Variants in XYLT1 observed in about 807,000 individuals in gnomAD.
XYLT1 encodes the protein xylosyltransferase 1.
XYLT1 carries 36 observed loss-of-function variants against 91.3 expected under a neutral mutation model. The observed-to-expected ratio is 0.39, with a 90% CI of 0.30 to 0.52. The LOEUF (loss-of-function observed/expected upper bound fraction) is 0.52, where lower values mean the gene tolerates loss of function less well. XYLT1 is among the 20% of genes least tolerant of loss of function. The pLI is 0.68. For missense variants in XYLT1, 1,242 were observed against 1,284.5 expected, an observed-to-expected ratio of 0.97 and a Z score of 0.51; for synonymous variants, 588 against 532.0, an observed-to-expected ratio of 1.11 and a Z score of -1.45.
intron 1 of XYLT1, among the ~76,000 whole-genome samples, chr16:17,376,892 C>T (rs1369324668): frequency 6.7e-6 from 1 of 149,922 alleles, no homozygotes; most frequent in Non-Finnish European, 1.5e-5. Context: ...ATGCACCCAA[C>T]CAGGCCAGGT....
intron 2 of XYLT1, among the ~76,000 whole-genome samples, chr16:17,293,491 CTTTTTTTTT>C (rs548581536): frequency 4.2e-5 from 5 of 119,114 alleles, no homozygotes; most frequent in Non-Finnish European, 7.3e-5. Context: ...TTTCTCCCTC[CTTTTTTTTT>C]TTTTTTTTTT....
chr16:17,437,330 T>A (rs879458920), intron 1 of XYLT1, among the ~76,000 whole-genome samples: 1 of 152,142 alleles, frequency 6.6e-6, no homozygotes, highest in Admixed American at 6.6e-5. Flanking sequence ...TACCATTCCC[T>A]TGGGCTAAAC....
chr16:17,369,636 C>T (rs1413321117), intron 1 of XYLT1: 1 of 152,396 alleles, frequency 6.6e-6, no homozygotes, highest in African/African-American at 2.4e-5. Context: ...CGTGACTTCA[C>T]AGCAGAAACA....
rs116681300 is a variant in XYLT1 at position 17,424,583 on chromosome 16, G to A, written c.363+45851C>T. 5.0e-3 allele frequency among the ~76,000 whole-genome samples: 760 copies of A among 152,206 alleles called. 3 individuals carry two copies. The highest frequency in any genetic ancestry group is 0.017 in the African/African-American group (713 of 41,526). On this transcript the variant is annotated intron_variant, in intron 1 of 11. Coordinates refer to ENST00000261381, the MANE Select transcript of XYLT1 (RefSeq NM_022166.4). ...GAAACACCAAGAAAATAAGATAGGT[G>A]GACACAGCCGGGTGCGGTGGCTCAT... is the stretch of plus-strand genomic sequence containing the variant.
rs543874250 is a variant in XYLT1 at position 17,307,665 on chromosome 16, A to G, written c.403-48167T>C. ...GGCTTCTCTGCACAGTGAGCTGGAAAATCTTTCCAATGACTCTGGCCCATT... is the reference window on the plus strand; with the variant it reads ...GGCTTCTCTGCACAGTGAGCTGGAAGATCTTTCCAATGACTCTGGCCCATT... On this transcript the variant is annotated intron_variant, in intron 2 of 11. Coordinates refer to ENST00000261381, the MANE Select transcript of XYLT1 (RefSeq NM_022166.4). Among the ~76,000 whole-genome samples the G allele has an allele frequency of 2.0e-5, 3 of 152,296 alleles. No individual in the cohort carries two copies. The South Asian group carries it at 6.2e-4, about 32-fold the overall frequency.
chr16:17,104,543 C>A lies in XYLT1; in HGVS notation c.*4152G>T, dbSNP rs1966748965. On this transcript the variant is annotated 3_prime_UTR_variant, in exon 12 of 12. Transcript: ENST00000261381. Reference sequence around the variant, plus strand: ...TGGCTTTTTTCCTCTTCTACCAGGGCAATGCATAATCTCACTTTAAACCAC... The same window carrying A: ...TGGCTTTTTTCCTCTTCTACCAGGGAAATGCATAATCTCACTTTAAACCAC... 6.6e-6 allele frequency: 1 copy of A among 152,112 alleles called. No homozygotes were observed. The highest frequency in any genetic ancestry group is 6.6e-5 in the Admixed American group (1 of 15,266). 9.4% of individuals were successfully genotyped at this position (152,112 alleles called of 1,614,324 possible).
intron 3 of XYLT1, among the ~76,000 whole-genome samples, chr16:17,213,207 C>T (rs769922949): frequency 2.0e-5 from 3 of 152,204 alleles, no homozygotes; most frequent in Non-Finnish European, 4.4e-5. Flanking sequence ...CCCTGTCTTG[C>T]TCTTGTTCCG....
At chr16:17,374,418 C>T (rs1596510268) in intron 1 of XYLT1, among the ~76,000 whole-genome samples, 1 of 152,120 alleles carries the variant, frequency 6.6e-6, no homozygotes, top group Admixed American at 6.5e-5. Flanking sequence ...GCCTTCACTC[C>T]TACTCCCTAG....
At chr16:17,388,318 A>G (rs760717880) in intron 1 of XYLT1, among the ~76,000 whole-genome samples, 10 of 152,150 alleles carry the variant, frequency 6.6e-5, no homozygotes, top group Non-Finnish European at 8.8e-5. Context: ...CTTTGCACCA[A>G]CGTAAAGTTG....
At position 17,210,831 on chromosome 16, in the gene XYLT1, C is replaced by G. The variant is rs1425953128; in HGVS notation, c.914-10177G>C. Among the ~76,000 whole-genome samples the G allele has an allele frequency of 3.7e-4, 57 of 152,178 alleles. 1 individual carries two copies. The highest frequency in any genetic ancestry group is 3.7e-3 in the Admixed American group (57 of 15,276). On this transcript the variant is annotated intron_variant, in intron 3 of 11. Transcript: ENST00000261381. ...AATTCTTACCCACCTCTCCTGAATA[C>G]CCTACCAGCAAACTCTCAGGTCAAT... is the stretch of plus-strand genomic sequence containing the variant.
chr16:17,194,161 C>T (rs1414353406), intron 5 of XYLT1: 2 of 152,200 alleles, frequency 1.3e-5, no homozygotes, highest in Admixed American at 6.5e-5. Context: ...ATTCATGGAG[C>T]ACCTTCCAAG....
rs181107404 is a variant in XYLT1, at chr16:17,442,022, T to C, written c.363+28412A>G. ...TGAGATTAACATTTGCACTGGTGGC[T>C]GATCCACCCCCATGTATGGTGAGCT... On this transcript the variant is annotated intron_variant, in intron 1 of 11. Transcript: ENST00000261381. 5.7e-3 allele frequency among the ~76,000 whole-genome samples: 870 copies of C among 152,122 alleles called. 11 individuals are homozygous for C. Among genetic ancestry groups the C allele is most frequent in the African/African-American group, 0.019 (803 of 41,518 alleles).
intron 10 of XYLT1, among the ~76,000 whole-genome samples, chr16:17,127,426 C>T (rs1014158193): frequency 6.6e-6 from 1 of 152,126 alleles, no homozygotes; most frequent in African/African-American, 2.4e-5. Context: ...TTCAGAGGAG[C>T]AGAAATTCTA....
At chr16:17,308,193 C>T (rs1401056235) in intron 2 of XYLT1, among the ~76,000 whole-genome samples, 1 of 152,146 alleles carries the variant, frequency 6.6e-6, no homozygotes, top group Non-Finnish European at 1.5e-5. Flanking sequence ...ATCCCACAAC[C>T]CCAACCTCCC....
At chr16:17,225,165 A>ACG (rs2033039820) in intron 3 of XYLT1, among the ~76,000 whole-genome samples, 4 of 95,296 alleles carry the variant, frequency 4.2e-5, no homozygotes, top group African/African-American at 6.5e-5. Context: ...ACACACACAC[A>ACG]CACACACACA....
At chr16:17,131,343 T>C (rs1242151223) in intron 9 of XYLT1, among the ~76,000 whole-genome samples, 1 of 152,222 alleles carries the variant, frequency 6.6e-6, no homozygotes, top group African/African-American at 2.4e-5. Flanking sequence ...AATCATCATC[T>C]ACAGGAATGC....
intron 1 of XYLT1, among the ~76,000 whole-genome samples, chr16:17,429,255 G>T (rs1399791650): frequency 6.6e-6 from 1 of 152,194 alleles, no homozygotes; most frequent in East Asian, 1.9e-4. Flanking sequence ...CTTAATTCAA[G>T]AAATCATTAA....
At chr16:17,159,769 T>C (rs1380035313) in intron 5 of XYLT1, among the ~76,000 whole-genome samples, 1 of 152,196 alleles carries the variant, frequency 6.6e-6, no homozygotes, top group Non-Finnish European at 1.5e-5. Context: ...CCCATCAATC[T>C]CAGCACTAGC....
chr16:17,323,421 G>A (rs893610114), intron 2 of XYLT1, among the ~76,000 whole-genome samples: 6 of 152,088 alleles, frequency 3.9e-5, no homozygotes, highest in East Asian at 1.9e-4. Flanking sequence ...TTAAAACCCC[G>A]GCTCCACTCT....
Sources: gnomAD v4.1 joint callset for allele counts (sites outside exome capture counted in the v4.1 genomes callset) on GRCh38, gnomAD v4.1.1 for gene constraint, MANE v1.5 for transcripts, NCBI Gene and HGNC (gene_info 2026-07-23, HGNC 2026-07-21) for gene names.